MSH6: variants seen among roughly 807,000 people sequenced by gnomAD.
MSH6 encodes the protein mutS homolog 6.
In MSH6, 85 loss-of-function variants were observed where a neutral mutation model predicts 119.1. The observed-to-expected ratio is 0.71, with a 90% CI of 0.60 to 0.85. MSH6 has a LOEUF of 0.85. Ranked by LOEUF, MSH6 falls within the 40% of genes least tolerant of loss-of-function variation. The pLI is 0.00. For missense variants in MSH6, 2,163 were observed against 1,655.3 expected (o/e 1.31, Z -5.32); for synonymous variants, 830 against 586.9 (o/e 1.41, Z -5.99).
rs587782194 is a variant in MSH6, at chr2:47,803,455, G to A, written c.3208G>A (p.Gly1070Ser). Reference protein sequence around the residue: ...LLCLANYSRGGDGPMCRPVIL... With the variant: ...LLCLANYSRGSDGPMCRPVIL... ...GTGCCTGGCTAACTATAGTCGAGGG[G>A]GTGATGGTCCTATGTGTCGCCCAGT... Residue 1070 changes from glycine to serine, a missense_variant, in exon 5 of 10, where the codon GGT (glycine) becomes AGT (serine). Transcript: ENST00000234420. The A allele has an allele frequency of 6.2e-7, 1 of 1,614,126 alleles. No individual in the cohort carries two copies. Among genetic ancestry groups the A allele is most frequent in the Admixed American group, 1.7e-5 (1 of 59,998 alleles).
intron 2 of MSH6, among the ~76,000 whole-genome samples, chr2:47,794,827 C>T (rs532141830): frequency 2.6e-5 from 4 of 152,244 alleles, no homozygotes; most frequent in South Asian, 2.1e-4. Context: ...TGGAGTCTTG[C>T]TCTGTCGCCC....
At chr2:47,805,270 T>C (rs908556083) in intron 6 of MSH6, among the ~76,000 whole-genome samples, 1 of 152,054 alleles carries the variant, frequency 6.6e-6, no homozygotes, top group Non-Finnish European at 1.5e-5. Flanking sequence ...AACCTCTGCT[T>C]CCAGGTTCAA....
At position 47,799,880 on chromosome 2, in the gene MSH6, A is replaced by G. The variant is rs2104374565; in HGVS notation, c.1897A>G (p.Thr633Ala). ...CTCCCAGTTTTGGGATGCATCCAAA[A>G]CTTTGAGAACTCTCCTTGAGGAAGA... ...PGSQFWDASK[T>A]LRTLLEEEYF... The change falls in exon 4 of 10, where the codon ACT (threonine) becomes GCT (alanine). Residue 633 changes from threonine to alanine, a missense_variant. Transcript: ENST00000234420. 1 of 1,614,166 alleles carries G rather than the reference A, an allele frequency of 6.2e-7. No individual in the cohort carries two copies. The highest frequency in any genetic ancestry group is 1.1e-5 in the South Asian group (1 of 91,084).
In MSH6 at chr2:47,804,376, G is replaced by T. The variant is rs187763122; in HGVS notation, c.3439-534G>T. 4.5e-3 allele frequency among the ~76,000 whole-genome samples: 682 copies of T among 152,244 alleles called. 4 individuals are homozygous for T. The highest frequency in any genetic ancestry group is 6.9e-3 in the Non-Finnish European group (468 of 68,010). On this transcript the variant is annotated intron_variant, in intron 5 of 9. Coordinates refer to ENST00000234420, the MANE Select transcript of MSH6 (RefSeq NM_000179.3). Reference sequence around the variant, plus strand: ...GTAAAGTTTTTTATATTTTTAAAAGGTTGTAAGAAATAGTAGTAGTTGGCT... The same window carrying T: ...GTAAAGTTTTTTATATTTTTAAAAGTTTGTAAGAAATAGTAGTAGTTGGCT...
At chr2:47,792,002 AAGCCC>A (rs1668759656) in intron 2 of MSH6, among the ~76,000 whole-genome samples, 1 of 152,090 alleles carries the variant, frequency 6.6e-6, no homozygotes, top group Admixed American at 6.6e-5. Flanking sequence ...GCACACCACC[AAGCCC>A]AGCTAATTTT....
Position 47,799,116 on chromosome 2 carries a change from GAA to G in MSH6, c.1134_1135del (p.Asp380Ter), listed in dbSNP as rs876660549. Reference sequence around the variant, plus strand: ...TTAGAATGGCTTAAGGAGGAAAAGAGAAGAGATGAGCACAGGAGGAGGCCTGA... The same window carrying G: ...TTAGAATGGCTTAAGGAGGAAAAGAGGAGATGAGCACAGGAGGAGGCCTGA... On this transcript the variant is annotated frameshift_variant, in exon 4 of 10. Coordinates refer to ENST00000234420, the MANE Select transcript of MSH6 (RefSeq NM_000179.3). LOFTEE classifies it high-confidence loss of function. The G allele has an allele frequency of 6.2e-7, 1 of 1,614,188 alleles. No homozygotes were observed. The highest frequency in any genetic ancestry group is 8.5e-7 in the Non-Finnish European group (1 of 1,180,028).
Position 47,801,024 on chromosome 2 carries a change from A to AGTT in MSH6, c.3043_3045dup (p.Leu1015dup), listed in dbSNP as rs757275909. The AGTT allele has an allele frequency of 6.3e-7, 1 of 1,577,632 alleles. No individual in the cohort carries two copies. Among genetic ancestry groups the AGTT allele is most frequent in the East Asian group, 2.2e-5 (1 of 44,576 alleles). On this transcript the variant is annotated inframe_insertion, in exon 4 of 10. Transcript: ENST00000234420. ...TACTGGACCAAAACTATTGAAAAGA[A>AGTT]GTTGGCTAATCTCATAAATGCTGAA...
downstream of MSH6, chr2:47,808,705 T>C: frequency 2.9e-6 from 1 of 350,544 alleles, no homozygotes; most frequent in Admixed American, 4.3e-5. Flanking sequence ...GAAAACAATT[T>C]TTGGAGGCGT....
chr2:47,803,208 G>A (rs577782656), intron 4 of MSH6, among the ~76,000 whole-genome samples: 21 of 152,306 alleles, frequency 1.4e-4, no homozygotes, highest in South Asian at 8.3e-4. Flanking sequence ...GTGAGCCACC[G>A]TGCCTGGCCT....
intron 2 of MSH6, among the ~76,000 whole-genome samples, chr2:47,795,345 C>A (rs1011277238): frequency 3.3e-5 from 5 of 151,262 alleles, no homozygotes; most frequent in Non-Finnish European, 7.4e-5. Flanking sequence ...TGGGGCATAA[C>A]AAATTATACT....
In MSH6 at chr2:47,793,318, CAAAAAAAAAAAAAA is replaced by C. The variant is rs34250836; in HGVS notation, c.457+2211_457+2224del. 7.2e-4 allele frequency among the ~76,000 whole-genome samples: 35 copies of C among 48,810 alleles called. 1 individual carries two copies. The East Asian group carries it at 0.029, about 41-fold the overall frequency. 32.0% of individuals were successfully genotyped at this position (48,810 alleles called of 152,430 possible). On this transcript the variant is annotated intron_variant, in intron 2 of 9. Transcript: ENST00000234420. ...CCTGGGTGACAGAGCGAGACTGTCT[CAAAAAAAAAAAAAA>C]AAAAAAAAAAAAAAAGGCTGGGCAC...
downstream of MSH6, chr2:47,807,581 AAGTAC>A (rs1486664780): frequency 1.4e-5 from 3 of 217,148 alleles, no homozygotes; most frequent in Non-Finnish European, 2.8e-5. Flanking sequence ...GGGCACATTC[AAGTAC>A]AGTAAGATTT....
chr2:47,785,143 A>G (rs1303002034), intron 1 of MSH6, among the ~76,000 whole-genome samples: 1 of 151,802 alleles, frequency 6.6e-6, no homozygotes, highest in Non-Finnish European at 1.5e-5. Context: ...ACTAAACACA[A>G]AGTTTAATGG....
chr2:47,806,372 G>A lies in MSH6; in HGVS notation c.3801+14G>A. On this transcript the variant is annotated intron_variant, in intron 8 of 9. Transcript: ENST00000234420. The stretch of plus-strand genomic sequence containing the variant: ...CTAGGACATATGGTATGTGCAAATT[G>A]TTTTTTTCCACAAATTCGGTTTTTT... 6.2e-7 allele frequency: 1 copy of A among 1,613,850 alleles called. No individual in the cohort carries two copies. The highest frequency in any genetic ancestry group is 8.5e-7 in the Non-Finnish European group (1 of 1,179,898).
intron 3 of MSH6, chr2:47,798,055 TG>T: frequency 4.7e-6 from 1 of 211,524 alleles, no homozygotes; most frequent in Non-Finnish European, 9.9e-6. Context: ...TGTCACTTTG[TG>T]GGGTTGGTGT....
At position 47,800,515 on chromosome 2, in the gene MSH6, G is replaced by A. The variant is rs786201873; in HGVS notation, c.2532G>A (p.Met844Ile). 1 of 1,613,114 alleles carries A rather than the reference G, an allele frequency of 6.2e-7. No homozygotes were observed. Residue 844 changes from methionine (M) to isoleucine (I), a missense_variant, in exon 4 of 10, where the codon ATG becomes ATA. Met to Ile is a conservative substitution (Grantham distance 10). Transcript: ENST00000234420. ...ACCACCCAGACAGCAGGGCTATAAT[G>A]TATGAAGAAACTACATACAGCAAGA... ...SQNHPDSRAI[M>I]YEETTYSKKK...
intron 4 of MSH6, among the ~76,000 whole-genome samples, chr2:47,802,711 T>C (rs1315896497): frequency 6.6e-6 from 1 of 151,388 alleles, no homozygotes; most frequent in Non-Finnish European, 1.5e-5. Flanking sequence ...ACTATTTTGA[T>C]CTGAACGCAA....
chr2:47,809,117 A>G, downstream of MSH6: 1 of 1,247,574 alleles, frequency 8.0e-7, no homozygotes. Flanking sequence ...AAAGGAAATC[A>G]GTCTTCCTCT....
At chr2:47,804,587 T>C (rs965137158) in intron 5 of MSH6, among the ~76,000 whole-genome samples, 1 of 151,470 alleles carries the variant, frequency 6.6e-6, no homozygotes, top group Non-Finnish European at 1.5e-5. Flanking sequence ...ATTCACTTGA[T>C]TGGAATTGAT....
Sources: gnomAD v4.1 joint callset for allele counts (sites outside exome capture counted in the v4.1 genomes callset) on GRCh38, gnomAD v4.1.1 for gene constraint, MANE v1.5 for transcripts, NCBI Gene and HGNC (gene_info 2026-07-23, HGNC 2026-07-21) for gene names.